IL13RA1: variants seen among roughly 807,000 people sequenced by gnomAD.
IL13RA1 encodes the protein interleukin 13 receptor subunit alpha 1, also known as interleukin-13 receptor subunit alpha-1.
IL13RA1 carries 14 observed loss-of-function variants against 33.8 expected under a neutral mutation model. The ratio of observed to expected loss-of-function variants is 0.41; its 90% CI spans 0.27 to 0.65. The LOEUF (loss-of-function observed/expected upper bound fraction) is 0.65. IL13RA1 is among the 30% of genes least tolerant of loss of function. The pLI is 0.28. For missense variants in IL13RA1, 313 were observed against 327.0 expected (o/e 0.96, Z 0.33); for synonymous variants, 116 against 115.7 (o/e 1.00, Z -0.02).
downstream of IL13RA1, among the ~76,000 whole-genome samples, chrX:118,795,082 G>A (rs776424522): frequency 9.2e-6 from 1 of 108,939 alleles, no homozygotes; most frequent in African/African-American, 3.4e-5. Context: ...AATTAGCTGG[G>A]TGTAGTGGCG....
At chrX:118,796,243 G>A (rs2018030770), downstream of IL13RA1, among the ~76,000 whole-genome samples, 4 of 112,262 alleles carry the variant, frequency 3.6e-5, no homozygotes, top group South Asian at 1.5e-3. Context: ...GGTCCCATGA[G>A]TTAGGTTGTG....
At chrX:118,759,006 T>C (rs1292395486) in intron 5 of IL13RA1, 1 of 112,083 alleles carries the variant, frequency 8.9e-6, no homozygotes, top group Admixed American at 9.4e-5. Flanking sequence ...ATGATACTCA[T>C]AATGATCATA....
At chrX:118,790,509 G>C (rs935058127) in intron 10 of IL13RA1, among the ~76,000 whole-genome samples, 16 of 111,693 alleles carry the variant, frequency 1.4e-4, no homozygotes, top group African/African-American at 4.9e-4. Flanking sequence ...CTGGGAGTGG[G>C]ATTTCTGGGT....
At chrX:118,758,579 G>A in intron 5 of IL13RA1, among the ~76,000 whole-genome samples, 1 of 111,657 alleles carries the variant, frequency 9.0e-6, no homozygotes, top group South Asian at 3.8e-4. Flanking sequence ...CAGAGACTGG[G>A]TAATTTATAA....
chrX:118,775,719 A>G (rs936249388), intron 9 of IL13RA1, among the ~76,000 whole-genome samples: 1 of 111,542 alleles, frequency 9.0e-6, no homozygotes, highest in East Asian at 2.8e-4. Context: ...TGCTGGTGCC[A>G]TGTACTGAGA....
downstream of IL13RA1, among the ~76,000 whole-genome samples, chrX:118,797,466 G>A (rs762172874): frequency 1.7e-4 from 19 of 111,708 alleles, no homozygotes; most frequent in Non-Finnish European, 2.8e-4. Context: ...ATGCATGTAT[G>A]ATACTTTAAA....
chrX:118,798,573 G>A (rs999863990), downstream of IL13RA1, among the ~76,000 whole-genome samples: 2 of 111,841 alleles, frequency 1.8e-5, no homozygotes, highest in Non-Finnish European at 3.8e-5. Flanking sequence ...TCTCTAGGCC[G>A]AGCACCTAGC....
chrX:118,760,640 A>G (rs1034645316), intron 5 of IL13RA1, among the ~76,000 whole-genome samples: 1 of 112,412 alleles, frequency 8.9e-6, no homozygotes, highest in African/African-American at 3.2e-5. Flanking sequence ...AACTTCTTCT[A>G]TAATTGTGGC....
chrX:118,783,565 TG>T (rs1214709858), intron 10 of IL13RA1, among the ~76,000 whole-genome samples: 2 of 111,395 alleles, frequency 1.8e-5, no homozygotes, highest in Non-Finnish European at 3.8e-5. Flanking sequence ...ATTTTGGGGA[TG>T]AAAAAAGGCA....
downstream of IL13RA1, among the ~76,000 whole-genome samples, chrX:118,799,123 TGAGTCCCCCAGCA>T (rs2018049386): frequency 8.8e-6 from 1 of 113,168 alleles, no homozygotes; most frequent in Non-Finnish European, 1.9e-5. Context: ...GAGGGTGTAC[TGAGTCCCCCAGCA>T]GTGCCGGCCC....
At position 118,776,507 on chromosome X, in the gene IL13RA1, C is replaced by T; in HGVS notation, c.1187C>T (p.Thr396Ile). The T allele has an allele frequency of 3.1e-6, 2 of 651,151 alleles. No homozygotes were observed. Among genetic ancestry groups the T allele is most frequent in the Non-Finnish European group, 4.9e-6 (2 of 404,091 alleles). 53.7% of individuals were successfully genotyped at this position (651,151 alleles called of 1,213,427 possible). Residue 396 changes from threonine (T) to isoleucine (I), a missense_variant, in exon 10 of 11, where the codon ACT (threonine) becomes ATT (isoleucine). Physicochemically the swap from Thr to Ile is moderately conservative, Grantham distance 89. Coordinates refer to ENST00000371666, the MANE Select transcript of IL13RA1 (RefSeq NM_001560.3). ...ATGTTTGGAGACCAGAATGATGATA[C>T]TCTGGTAAGAACAGATTTCATGGGG... ...KEMFGDQNDD[T>I]LHWKKYDIYE...
intron 2 of IL13RA1, among the ~76,000 whole-genome samples, chrX:118,743,925 C>G (rs753412286): frequency 1.8e-5 from 2 of 111,889 alleles, no homozygotes; most frequent in African/African-American, 6.5e-5. Context: ...GCGGGCTGAT[C>G]ACCTGAGGTC....
intron 8 of IL13RA1, chrX:118,770,834 A>G: frequency 3.6e-6 from 1 of 280,736 alleles, no homozygotes; most frequent in African/African-American, 2.7e-5. Context: ...GACCTACCAG[A>G]AAGATGATGA....
At chrX:118,745,632 A>G (rs2017395601) in intron 2 of IL13RA1, among the ~76,000 whole-genome samples, 1 of 112,038 alleles carries the variant, frequency 8.9e-6, no homozygotes, top group Non-Finnish European at 1.9e-5. Flanking sequence ...GGCAGCAGGC[A>G]TGTGACATGG....
chrX:118,788,180 G>T (rs897344503), intron 10 of IL13RA1, among the ~76,000 whole-genome samples: 1 of 112,014 alleles, frequency 8.9e-6, no homozygotes, highest in Admixed American at 9.5e-5. Flanking sequence ...CATGACTTCA[G>T]CAGGTCCCTC....
At position 118,768,819 on chromosome X, in the gene IL13RA1, C is replaced by T. The variant is rs1257699863; in HGVS notation, c.1009+1843C>T. Among the ~76,000 whole-genome samples the T allele has an allele frequency of 4.5e-5, 5 of 112,150 alleles. No individual in the cohort carries two copies. The East Asian group carries it at 1.4e-3, about 31-fold the overall frequency. ...TAGGAAGAGGCAAAGAGGGATTCTT[C>T]TCTAGAGCCCTCAGAGGGAGCATAG... On this transcript the variant is annotated intron_variant, in intron 8 of 10. Transcript: ENST00000371666.
chrX:118,730,953 A>G (rs2017210739), intron 1 of IL13RA1, among the ~76,000 whole-genome samples: 2 of 112,246 alleles, frequency 1.8e-5, no homozygotes, highest in Admixed American at 1.9e-4. Flanking sequence ...GATTTCCTTA[A>G]CTTTTCCCAA....
intron 10 of IL13RA1, among the ~76,000 whole-genome samples, chrX:118,787,045 TCTTA>T (rs1457403437): frequency 8.9e-6 from 1 of 112,218 alleles, no homozygotes; most frequent in Non-Finnish European, 1.9e-5. Flanking sequence ...CCACATTCAC[TCTTA>T]CTTTGAGGTT....
At chrX:118,757,104 G>T (rs1018127019) in intron 4 of IL13RA1, among the ~76,000 whole-genome samples, 4 of 111,696 alleles carry the variant, frequency 3.6e-5, no homozygotes, top group African/African-American at 1.3e-4. Context: ...AGGAGGAATC[G>T]TAGACTTCAG....
Sources: gnomAD v4.1 joint callset for allele counts (sites outside exome capture counted in the v4.1 genomes callset) on GRCh38, gnomAD v4.1.1 for gene constraint, MANE v1.5 for transcripts, NCBI Gene and HGNC (gene_info 2026-07-23, HGNC 2026-07-21) for gene names.